The following RIPOR3 variants were observed in gnomAD, a reference collection of about 807,000 sequenced individuals.
RIPOR3 encodes the protein RIPOR family member 3.
In RIPOR3, 95 loss-of-function variants were observed where a neutral mutation model predicts 114.3. That is an observed-to-expected ratio of 0.83 (90% CI 0.70 to 0.99). The LOEUF (loss-of-function observed/expected upper bound fraction) is 0.99, where lower values mean the gene tolerates loss of function less well. Among genes scored for constraint, RIPOR3 ranks in the 50% least tolerant of loss-of-function variants. RIPOR3 has a pLI of 0.00. For synonymous variants in RIPOR3, 575 were observed against 543.8 expected (o/e 1.06, Z -0.80); for missense variants, 1,252 against 1,266.9 (o/e 0.99, Z 0.18).
rs192568223 is a variant in RIPOR3, at chr20:50,614,258, A to T, written c.348+1744T>A. 3.4e-3 allele frequency among the ~76,000 whole-genome samples: 516 copies of T among 151,810 alleles called. 2 individuals are homozygous for T. Among genetic ancestry groups the T allele is most frequent in the Non-Finnish European group, 4.8e-3 (327 of 67,956 alleles). ...ACCATGTTGGCCAGGCTGGTCTCAA[A>T]CTCCTGATCTCGAGTGATCCACCCG... On this transcript the variant is annotated intron_variant, in intron 4 of 21. Coordinates refer to ENST00000327979, the MANE Select transcript of RIPOR3 (RefSeq NM_001290268.2).
intron 1 of RIPOR3, among the ~76,000 whole-genome samples, chr20:50,688,499 A>T (rs1183457473): frequency 6.6e-6 from 1 of 152,192 alleles, no homozygotes; most frequent in Non-Finnish European, 1.5e-5. Flanking sequence ...TTGTAAGTTC[A>T]TATAATTTAA....
In RIPOR3 at chr20:50,608,673, C is replaced by T. The variant is rs758898847; in HGVS notation, c.750G>A (p.Gln250=). 6.8e-6 allele frequency: 11 copies of T among 1,613,946 alleles called. No homozygotes were observed. The highest frequency in any genetic ancestry group is 4.5e-5 in the East Asian group (2 of 44,890). ...LKGRIESDDS[Q]TWDEEEKAFI... is the part of the protein sequence containing the mutation. ...AGGCCTTCTCCTCTTCGTCCCAGGT[C>T]TGGCTGTCATCTGACTCGATCCGAC... Residue 250 remains glutamine, a synonymous_variant, in exon 10 of 22, where the codon CAG becomes CAA. Transcript: ENST00000327979.
intron 1 of RIPOR3, among the ~76,000 whole-genome samples, chr20:50,662,791 T>C (rs1040504952): frequency 2.6e-5 from 4 of 152,184 alleles, no homozygotes; most frequent in South Asian, 2.1e-4. Context: ...AATGGGAGTT[T>C]GTGCTAGACA....
chr20:50,597,812 C>T, intron 13 of RIPOR3, 102 bp from the exon 14 acceptor site: 1 of 1,474,226 alleles, frequency 6.8e-7, no homozygotes, highest in Non-Finnish European at 9.1e-7. Context: ...ATGTCCCGGT[C>T]CCAAGCCCCA....
intron 1 of RIPOR3, among the ~76,000 whole-genome samples, chr20:50,653,687 T>G (rs1250486779): frequency 6.6e-6 from 1 of 151,658 alleles, no homozygotes; most frequent in Non-Finnish European, 1.5e-5. Context: ...GCCTCCCGGG[T>G]TTGAGCAATT....
chr20:50,598,261 C>A (rs1223966871), intron 13 of RIPOR3, among the ~76,000 whole-genome samples: 2 of 152,144 alleles, frequency 1.3e-5, no homozygotes, highest in African/African-American at 4.8e-5. Context: ...GGGTTTCTCT[C>A]CCCAACAGAT....
At chr20:50,654,243 T>C (rs927721959) in intron 1 of RIPOR3, among the ~76,000 whole-genome samples, 1 of 151,830 alleles carries the variant, frequency 6.6e-6, no homozygotes, top group Non-Finnish European at 1.5e-5. Context: ...ATCGGTTCAC[T>C]GCAACCTCCA....
chr20:50,610,165 C>A (rs182655464), intron 6 of RIPOR3, among the ~76,000 whole-genome samples: 1 of 141,972 alleles, frequency 7.0e-6, no homozygotes, highest in Admixed American at 7.0e-5. Context: ...CCCCTGCCAA[C>A]CCTGTCTCAC....
intron 1 of RIPOR3, among the ~76,000 whole-genome samples, chr20:50,675,266 A>T (rs2086645467): frequency 6.6e-6 from 1 of 152,208 alleles, no homozygotes; most frequent in African/African-American, 2.4e-5. Context: ...ACTGTGAAAG[A>T]ACGAGTTTCT....
At chr20:50,676,079 G>A (rs2086667628) in intron 1 of RIPOR3, among the ~76,000 whole-genome samples, 1 of 152,216 alleles carries the variant, frequency 6.6e-6, no homozygotes, top group African/African-American at 2.4e-5. Flanking sequence ...AAGGGCAGGA[G>A]TGTTTTTCCA....
intron 2 of RIPOR3, among the ~76,000 whole-genome samples, chr20:50,626,712 C>G (rs2084633256): frequency 3.9e-5 from 6 of 152,206 alleles, no homozygotes; most frequent in Admixed American, 3.9e-4. Context: ...ATGCAAGGCT[C>G]TTTATTCAAA....
chr20:50,604,173 G>A (rs1289560291), intron 12 of RIPOR3, among the ~76,000 whole-genome samples: 6 of 146,600 alleles, frequency 4.1e-5, no homozygotes, highest in Non-Finnish European at 9.0e-5. Context: ...AGACAAGAGC[G>A]AAACTCCGTC....
At chr20:50,654,893 G>A (rs1434294275) in intron 1 of RIPOR3, among the ~76,000 whole-genome samples, 4 of 151,966 alleles carry the variant, frequency 2.6e-5, no homozygotes, top group South Asian at 2.1e-4. Flanking sequence ...CTACAGGCAC[G>A]CACCACCACA....
chr20:50,628,106 GGTTAA>G (rs1482829324), intron 2 of RIPOR3, among the ~76,000 whole-genome samples: 6 of 152,194 alleles, frequency 3.9e-5, no homozygotes, highest in East Asian at 1.9e-4. Flanking sequence ...GCTCAGAAAT[GGTTAA>G]GTTGAGAAAC....
At chr20:50,609,061 G>A (rs1298935607) in intron 8 of RIPOR3, 106 bp from the exon 9 acceptor site, 2 of 1,482,674 alleles carry the variant, frequency 1.3e-6, no homozygotes, top group Non-Finnish European at 1.8e-6. Flanking sequence ...CAGTTTCAGT[G>A]GGGTGAGGAT....
At chr20:50,690,321 T>C (rs1011646475) in intron 1 of RIPOR3, among the ~76,000 whole-genome samples, 22 of 152,180 alleles carry the variant, frequency 1.4e-4, no homozygotes, top group African/African-American at 4.8e-4. Flanking sequence ...CCCTCTTCTC[T>C]CATGCCCCCA....
chr20:50,616,945 A>G (rs13038128), intron 3 of RIPOR3, among the ~76,000 whole-genome samples: 1 of 152,188 alleles, frequency 6.6e-6, no homozygotes, highest in Non-Finnish European at 1.5e-5. Context: ...AATCGAGACC[A>G]TCCTGGCTAA....
intron 15 of RIPOR3, 30 bp from the exon 16 acceptor site, chr20:50,595,534 G>T: frequency 3.1e-6 from 5 of 1,610,618 alleles, no homozygotes; most frequent in Non-Finnish European, 4.2e-6. Flanking sequence ...CTCCAGATTA[G>T]CATGGAACAT....
chr20:50,608,695 C>G lies in RIPOR3; in HGVS notation c.728G>C (p.Arg243Pro), dbSNP rs569827293. 1.2e-6 allele frequency: 2 copies of G among 1,613,938 alleles called. No homozygotes were observed. Among genetic ancestry groups the G allele is most frequent in the African/African-American group, 1.3e-5 (1 of 74,926 alleles). ...GGTCTGGCTGTCATCTGACTCGATC[C>G]GACCCTTGAGCTTCCAACGCTGGCG... The part of the protein sequence containing the change: ...LGRQRWKLKG[R>P]IESDDSQTWD... The change falls in exon 10 of 22, where the codon CGG becomes CCG. Residue 243 changes from arginine (R) to proline (P), a missense_variant. Coordinates refer to ENST00000327979, the MANE Select transcript of RIPOR3 (RefSeq NM_001290268.2).
Sources: gnomAD v4.1 joint callset for allele counts (sites outside exome capture counted in the v4.1 genomes callset) on GRCh38, gnomAD v4.1.1 for gene constraint, MANE v1.5 for transcripts, NCBI Gene and HGNC (gene_info 2026-07-23, HGNC 2026-07-21) for gene names.